Variants in SHISA6 observed in about 807,000 individuals in gnomAD.
The protein encoded by SHISA6 is shisa family member 6.
Under a neutral mutation model 47.9 loss-of-function variants are expected in SHISA6, and 22 were observed. The observed-to-expected ratio is 0.46, with a 90% CI of 0.33 to 0.66. SHISA6 has a LOEUF of 0.66. SHISA6 is among the 30% of genes least tolerant of loss of function. The probability of loss-of-function intolerance (pLI) is 0.02; values close to 1 mark genes in which losing one functional copy is unlikely to be tolerated. For missense variants in SHISA6, 680 were observed against 764.6 expected (o/e 0.89, Z 1.30); for synonymous variants, 388 against 337.8 (o/e 1.15, Z -1.63).
chr17:11,242,296 T>A (rs1165843308), intron 1 of SHISA6, among the ~76,000 whole-genome samples: 1 of 152,198 alleles, frequency 6.6e-6, no homozygotes, highest in Non-Finnish European at 1.5e-5. Context: ...AGAGTAAGAA[T>A]TGGTTGAGTG....
intron 3 of SHISA6, among the ~76,000 whole-genome samples, chr17:11,469,873 C>T (rs555098125): frequency 2.0e-5 from 3 of 152,310 alleles, no homozygotes; most frequent in Non-Finnish European, 4.4e-5. Context: ...TGTTGAAGCC[C>T]TTACCTTCAA....
chr17:11,457,338 C>T (rs1292152760), intron 3 of SHISA6, among the ~76,000 whole-genome samples: 1 of 152,192 alleles, frequency 6.6e-6, no homozygotes, highest in Non-Finnish European at 1.5e-5. Flanking sequence ...ACACCACCAC[C>T]CATGCAGTCG....
At chr17:11,342,827 G>A (rs1911585013) in intron 2 of SHISA6, among the ~76,000 whole-genome samples, 1 of 152,212 alleles carries the variant, frequency 6.6e-6, no homozygotes, top group Admixed American at 6.5e-5. Flanking sequence ...CTGTTGTGAT[G>A]TTGGTTCTGA....
At chr17:11,369,423 C>G (rs1170335030) in intron 2 of SHISA6, among the ~76,000 whole-genome samples, 2 of 152,204 alleles carry the variant, frequency 1.3e-5, no homozygotes, top group Non-Finnish European at 2.9e-5. Context: ...GGCAGTTTCT[C>G]AGGATCATTT....
chr17:11,356,566 T>A (rs1168737806), intron 2 of SHISA6, among the ~76,000 whole-genome samples: 3 of 152,176 alleles, frequency 2.0e-5, no homozygotes, highest in African/African-American at 7.2e-5. Flanking sequence ...CTCCCTTGAC[T>A]GACAGCTGTG....
intron 1 of SHISA6, among the ~76,000 whole-genome samples, chr17:11,257,752 A>G (rs1212468066): frequency 1.3e-5 from 2 of 152,188 alleles, no homozygotes; most frequent in African/African-American, 4.8e-5. Context: ...CTGGGACTCA[A>G]ATAACCCATA....
chr17:11,270,626 G>A (rs1354591447), intron 2 of SHISA6, among the ~76,000 whole-genome samples: 3 of 152,218 alleles, frequency 2.0e-5, no homozygotes, highest in Non-Finnish European at 4.4e-5. Flanking sequence ...CACAAGAGCA[G>A]CCATAGATGA....
intron 2 of SHISA6, among the ~76,000 whole-genome samples, chr17:11,284,016 A>G (rs1909212088): frequency 6.6e-6 from 1 of 152,158 alleles, no homozygotes; most frequent in Admixed American, 6.5e-5. Flanking sequence ...ACTTCACAGG[A>G]AAGCCTCCAT....
intron 2 of SHISA6, among the ~76,000 whole-genome samples, chr17:11,377,610 G>T (rs1294842093): frequency 6.6e-6 from 1 of 152,174 alleles, no homozygotes; most frequent in Non-Finnish European, 1.5e-5. Flanking sequence ...TTTGAGATCT[G>T]GGGTAAGAGG....
intron 2 of SHISA6, among the ~76,000 whole-genome samples, chr17:11,311,688 A>G (rs1043851943): frequency 1.3e-5 from 2 of 152,108 alleles, no homozygotes; most frequent in African/African-American, 4.8e-5. Flanking sequence ...AACTACTCTG[A>G]TGAGTTTTAA....
chr17:11,362,966 G>A (rs1912335976), intron 2 of SHISA6, among the ~76,000 whole-genome samples: 1 of 152,182 alleles, frequency 6.6e-6, no homozygotes, highest in Non-Finnish European at 1.5e-5. Context: ...GAGTTTATTA[G>A]TGGAATAAAT....
At chr17:11,438,803 A>G (rs150912613) in intron 3 of SHISA6, among the ~76,000 whole-genome samples, 41 of 152,330 alleles carry the variant, frequency 2.7e-4, no homozygotes, top group African/African-American at 9.4e-4. Flanking sequence ...GTTGGAAAGC[A>G]ATGGGCTAGA....
Position 11,558,247 on chromosome 17 carries a change from C to T in SHISA6, c.1599C>T (p.His533=). 1.3e-6 allele frequency: 2 copies of T among 1,540,098 alleles called. No individual in the cohort carries two copies. Among genetic ancestry groups the T allele is most frequent in the South Asian group, 2.4e-5 (2 of 84,066 alleles). ...SRRHNTVEQL[H]YIPGHHTCYT... ...GACACAACACGGTGGAGCAGCTGCA[C>T]TACATCCCGGGCCACCACACCTGCT... Residue 533 remains histidine, a synonymous_variant, in exon 6 of 6, where the codon CAC becomes CAT. Coordinates refer to ENST00000441885, the MANE Select transcript of SHISA6 (RefSeq NM_207386.4).
chr17:11,446,506 T>C (rs1189482696), intron 3 of SHISA6, among the ~76,000 whole-genome samples: 2 of 152,226 alleles, frequency 1.3e-5, no homozygotes, highest in African/African-American at 4.8e-5. Flanking sequence ...AGAACATTTC[T>C]AATCCAATTT....
chr17:11,241,401 C>G lies in SHISA6; in HGVS notation c.-22C>G, dbSNP rs748521840. ...GCGGCCTGCCGCGGAAGCCTCCCCG[C>G]GCCCTCCCGCCCGGCCCCGCCATGG... On this transcript the variant is annotated 5_prime_UTR_variant, in exon 1 of 6. Transcript: ENST00000441885. This position sits in a 1 kb window ranked among gnomAD's most constrained non-coding sequence, Gnocchi z 5.5. The G allele has an allele frequency of 7.3e-5, 80 of 1,100,604 alleles. No individual in the cohort carries two copies. Among genetic ancestry groups the G allele is most frequent in the South Asian group, 5.9e-4 (22 of 37,212 alleles). The allele number at this position is 1,100,604 out of a possible 1,614,324, so 68.2% of individuals were successfully genotyped here.
chr17:11,520,482 G>T (rs2071620474), intron 3 of SHISA6, among the ~76,000 whole-genome samples: 1 of 152,010 alleles, frequency 6.6e-6, no homozygotes, highest in Non-Finnish European at 1.5e-5. Flanking sequence ...CTCCTTACTG[G>T]CCCGGGGTCT....
intron 2 of SHISA6, among the ~76,000 whole-genome samples, chr17:11,293,476 A>G (rs1325199163): frequency 1.3e-5 from 2 of 152,194 alleles, no homozygotes; most frequent in African/African-American, 4.8e-5. Context: ...GAGAACATTA[A>G]AGTAACCTAG....
At chr17:11,474,439 T>C (rs929285329) in intron 3 of SHISA6, among the ~76,000 whole-genome samples, 1 of 151,246 alleles carries the variant, frequency 6.6e-6, no homozygotes. Context: ...TTTATTTAAG[T>C]TCCTTGTAGA....
chr17:11,298,421 C>T (rs534011995), intron 2 of SHISA6, among the ~76,000 whole-genome samples: 21 of 152,294 alleles, frequency 1.4e-4, no homozygotes, highest in African/African-American at 4.6e-4. Context: ...CTGCTGAGTG[C>T]AAGTGAGGAG....
Sources: gnomAD v4.1 joint callset for allele counts (sites outside exome capture counted in the v4.1 genomes callset) on GRCh38, gnomAD v4.1.1 for gene constraint, Gnocchi (gnomAD v3.1) non-coding constraint, MANE v1.5 for transcripts, NCBI Gene and HGNC (gene_info 2026-07-23, HGNC 2026-07-21) for gene names.